The following ZDBF2 variants were observed in gnomAD, a reference collection of about 807,000 sequenced individuals.
ZDBF2 encodes the protein DBF4-type zinc finger-containing protein 2.
In ZDBF2, 6 loss-of-function variants were observed where a neutral mutation model predicts 9.4. The ratio of observed to expected loss-of-function variants is 0.64; its 90% CI spans 0.35 to 1.27. The LOEUF (loss-of-function observed/expected upper bound fraction) is 1.27, where lower values mean the gene tolerates loss of function less well. Among genes scored for constraint, ZDBF2 ranks in the 50% most tolerant of loss-of-function variants. The pLI, the probability that ZDBF2 is intolerant of heterozygous loss-of-function variation, is 0.03. For synonymous variants in ZDBF2, 905 were observed against 946.3 expected (o/e 0.96, Z 0.80); for missense variants, 2,697 against 2,766.8 (o/e 0.97, Z 0.57).
At chr2:206,298,609 A>G (rs986590687) in intron 4 of ZDBF2, among the ~76,000 whole-genome samples, 2 of 151,896 alleles carry the variant, frequency 1.3e-5, no homozygotes, top group South Asian at 2.1e-4. Context: ...TGCAACCCCC[A>G]CCTCCCTGGT....
chr2:206,309,551 C>G lies in ZDBF2; in HGVS notation c.5023C>G (p.Arg1675Gly), dbSNP rs374690917. Residue 1675 changes from arginine (R) to glycine (G), a missense_variant, in exon 5 of 5, where the codon CGA becomes GGA. Physicochemically the swap from Arg to Gly is moderately radical, Grantham distance 125. This residue lies in a region of ZDBF2 where 1,783 missense variants were observed against 1,776.5 expected (regional missense o/e 1.00). Coordinates refer to ENST00000374423, the MANE Select transcript of ZDBF2 (RefSeq NM_020923.3). ...ATTTAATTTGGAAGACACTTCTCAT[C>G]GAACGACTCACCGACTGCAGAAAGC... Reference protein sequence around the residue: ...GKFNLEDTSHRTTHRLQKAHK... With the variant: ...GKFNLEDTSHGTTHRLQKAHK... 10 of 1,613,932 alleles carry G rather than the reference C, an allele frequency of 6.2e-6. No homozygotes were observed. The highest frequency in any genetic ancestry group is 8.5e-6 in the Non-Finnish European group (10 of 1,179,892).
In ZDBF2 at chr2:206,278,128, G is replaced by A. The variant is rs190559720; in HGVS notation, c.-102-1412G>A. On this transcript the variant is annotated intron_variant, in intron 1 of 4. Transcript: ENST00000374423. Reference sequence around the variant, plus strand: ...GTAAAAATATGTTTAGAACAAAGACGAATACGATACATGTTAATGGTGGGT... The same window carrying A: ...GTAAAAATATGTTTAGAACAAAGACAAATACGATACATGTTAATGGTGGGT... Among the ~76,000 whole-genome samples, 242 of 152,132 alleles carry A rather than the reference G, an allele frequency of 1.6e-3. 1 individual carries two copies. The highest frequency in any genetic ancestry group is 2.2e-3 in the African/African-American group (90 of 41,506).
Position 206,307,364 on chromosome 2 carries a change from A to G in ZDBF2, c.2836A>G (p.Met946Val), listed in dbSNP as rs755239496. 4.8e-5 allele frequency: 77 copies of G among 1,613,218 alleles called. No individual in the cohort carries two copies. The highest frequency in any genetic ancestry group is 8.4e-5 in the Admixed American group (5 of 59,876). The change falls in exon 5 of 5, where the codon ATG becomes GTG. Residue 946 changes from methionine to valine, a missense_variant. Around this residue, in one of 3 missense-constraint regions of ZDBF2, gnomAD observed 1,783 missense variants for 1,776.5 expected, o/e 1.00. Coordinates refer to ENST00000374423, the MANE Select transcript of ZDBF2 (RefSeq NM_020923.3). ...KEISLHTKEH[M>V]YLENKSVFET... The stretch of plus-strand genomic sequence containing the variant: ...AATAAGCCTTCACACAAAAGAGCAC[A>G]TGTACTTAGAAAATAAGAGTGTTTT...
Position 206,307,671 on chromosome 2 carries a change from C to G in ZDBF2, c.3143C>G (p.Pro1048Arg). The change falls in exon 5 of 5, where the codon CCA becomes CGA. Residue 1048 changes from proline (P) to arginine (R), a missense_variant. Physicochemically the swap from Pro to Arg is moderately radical, Grantham distance 103. This residue lies in a region of ZDBF2 where 1,783 missense variants were observed against 1,776.5 expected (regional missense o/e 1.00). Coordinates refer to ENST00000374423, the MANE Select transcript of ZDBF2 (RefSeq NM_020923.3). ...GAAATAATTTTGGATTCTAATGTTCCACCTCAGTCAATGACTGACCAACCT... is the reference window on the plus strand; with the variant it reads ...GAAATAATTTTGGATTCTAATGTTCGACCTCAGTCAATGACTGACCAACCT... ...GSEIILDSNV[P>R]PQSMTDQPQL... 6.2e-7 allele frequency: 1 copy of G among 1,612,890 alleles called. No individual in the cohort carries two copies. Among genetic ancestry groups the G allele is most frequent in the Non-Finnish European group, 8.5e-7 (1 of 1,179,570 alleles).
Position 206,310,525 on chromosome 2 carries a change from T to A in ZDBF2, c.5997T>A (p.Val1999=), listed in dbSNP as rs775943183. The part of the protein sequence containing the change: ...TVEFPASCTK[V]LKPMQPKALV... ...AATTTCCTGCATCATGTACTAAAGT[T>A]TTGAAGCCTATGCAACCCAAAGCCT... Residue 1999 remains valine, a synonymous_variant, in exon 5 of 5, where the codon GTT becomes GTA. Transcript: ENST00000374423. The A allele has an allele frequency of 3.7e-6, 6 of 1,613,522 alleles. No individual in the cohort carries two copies. In the East Asian group the frequency reaches 1.1e-4, roughly 30 times the overall value.
chr2:206,281,148 G>GT lies in ZDBF2; in HGVS notation c.-49-652dup, dbSNP rs1691295769. 2.0e-5 allele frequency among the ~76,000 whole-genome samples: 3 copies of GT among 152,268 alleles called. No individual in the cohort carries two copies. The East Asian group carries it at 5.8e-4, about 29-fold the overall frequency. ...TAATGTTGAAGGATTATACTTTTAG[G>GT]TGAGTGGAAACTGGAAAACTATTTA... On this transcript the variant is annotated intron_variant, in intron 2 of 4. Transcript: ENST00000374423.
At chr2:206,280,578 A>G (rs1691261114) in intron 2 of ZDBF2, among the ~76,000 whole-genome samples, 1 of 152,238 alleles carries the variant, frequency 6.6e-6, no homozygotes, top group Non-Finnish European at 1.5e-5. Flanking sequence ...TTAGTGGAAA[A>G]GAGACCAAAT....
In ZDBF2 at chr2:206,309,792, C is replaced by T. The variant is rs761665666; in HGVS notation, c.5264C>T (p.Pro1755Leu). Residue 1755 changes from proline (P) to leucine (L), a missense_variant, in exon 5 of 5, where the codon CCT (proline) becomes CTT (leucine). This residue lies in a region of ZDBF2 where 1,783 missense variants were observed against 1,776.5 expected (regional missense o/e 1.00). Transcript: ENST00000374423. ...GFEMNFQCAP[P>L]LPSDTDQPQE... ...GAGATGAATTTTCAGTGTGCTCCCC[C>T]TCTTCCATCTGATACTGATCAGCCT... 9.9e-6 allele frequency: 16 copies of T among 1,613,814 alleles called. No individual in the cohort carries two copies. Among genetic ancestry groups the T allele is most frequent in the Non-Finnish European group, 1.4e-5 (16 of 1,179,880 alleles).
chr2:206,291,319 A>G (rs1042421337), intron 3 of ZDBF2, among the ~76,000 whole-genome samples: 2 of 152,182 alleles, frequency 1.3e-5, no homozygotes, highest in Non-Finnish European at 2.9e-5. Flanking sequence ...CACAGTTCAC[A>G]ATAGAGTTTA....
chr2:206,277,729 CAAAA>C (rs5838017), intron 1 of ZDBF2, among the ~76,000 whole-genome samples: 1 of 104,962 alleles, frequency 9.5e-6, no homozygotes, highest in Non-Finnish European at 2.0e-5. Context: ...CTAATCTGTC[CAAAA>C]AAAAAAAAAA....
chr2:206,308,722 G>T lies in ZDBF2; in HGVS notation c.4194G>T (p.Leu1398=). ...TTTGGAAGGAAGACCATATTTACCTGGAAGATAAGAGCTATAAATTAGGTG... is the reference window on the plus strand; with the variant it reads ...TTTGGAAGGAAGACCATATTTACCTTGAAGATAAGAGCTATAAATTAGGTG... ...INLWKEDHIY[L]EDKSYKLGDF... The change falls in exon 5 of 5, where the codon CTG becomes CTT. Residue 1398 remains leucine (L), a synonymous_variant. Coordinates refer to ENST00000374423, the MANE Select transcript of ZDBF2 (RefSeq NM_020923.3). 1.2e-6 allele frequency: 2 copies of T among 1,612,932 alleles called. No individual in the cohort carries two copies.
chr2:206,305,393 C>T lies in ZDBF2; in HGVS notation c.865C>T (p.His289Tyr). ...GKTLSAGLKF[H>Y]ERMGTKGSLR... ...AACTTTATCAGCTGGCTTGAAATTC[C>T]ATGAACGCATGGGTACTAAGGGCTC... Residue 289 changes from histidine to tyrosine, a missense_variant, in exon 5 of 5, where the codon CAT becomes TAT. His to Tyr is a moderately conservative substitution (Grantham distance 83). Around this residue, in one of 3 missense-constraint regions of ZDBF2, gnomAD observed 910 missense variants for 973.6 expected, o/e 0.93. Coordinates refer to ENST00000374423, the MANE Select transcript of ZDBF2 (RefSeq NM_020923.3). 1 of 1,613,336 alleles carries T rather than the reference C, an allele frequency of 6.2e-7. No homozygotes were observed. Among genetic ancestry groups the T allele is most frequent in the South Asian group, 1.1e-5 (1 of 91,012 alleles).
At chr2:206,294,253 G>A (rs1692049776) in intron 3 of ZDBF2, among the ~76,000 whole-genome samples, 1 of 152,142 alleles carries the variant, frequency 6.6e-6, no homozygotes, top group South Asian at 2.1e-4. Flanking sequence ...GGGCATTACA[G>A]GGATTTCTGG....
At chr2:206,298,294 A>G (rs1236633844) in intron 4 of ZDBF2, among the ~76,000 whole-genome samples, 1 of 152,262 alleles carries the variant, frequency 6.6e-6, no homozygotes, top group Non-Finnish European at 1.5e-5. Flanking sequence ...GCTGTACAAG[A>G]TAAGGTAAAA....
At chr2:206,280,841 G>A (rs1691277936) in intron 2 of ZDBF2, among the ~76,000 whole-genome samples, 1 of 151,994 alleles carries the variant, frequency 6.6e-6, no homozygotes, top group African/African-American at 2.4e-5. Flanking sequence ...CTCATAACAT[G>A]TTATAGAATG....
At chr2:206,294,897 T>A (rs1692088044) in intron 3 of ZDBF2, among the ~76,000 whole-genome samples, 1 of 152,210 alleles carries the variant, frequency 6.6e-6, no homozygotes, top group African/African-American at 2.4e-5. Flanking sequence ...AACGTTGAAT[T>A]TTAACTGAAT....
In ZDBF2 at chr2:206,306,819, A is replaced by C; in HGVS notation, c.2291A>C (p.Gln764Pro). The change falls in exon 5 of 5, where the codon CAG becomes CCG. Residue 764 changes from glutamine to proline, a missense_variant. This residue lies in a region of ZDBF2 where 910 missense variants were observed against 973.6 expected (regional missense o/e 0.93). Transcript: ENST00000374423. Reference protein sequence around the residue: ...SDPPLLSVTEQSHLDAEGKER... With the variant: ...SDPPLLSVTEPSHLDAEGKER... ...CCGCCTCTTCTGTCAGTTACTGAGC[A>C]GTCTCATCTGGATGCTGAAGGAAAA... 1 of 1,613,910 alleles carries C rather than the reference A, an allele frequency of 6.2e-7. No homozygotes were observed. The highest frequency in any genetic ancestry group is 1.3e-5 in the African/African-American group (1 of 75,050).
Position 206,307,670 on chromosome 2 carries a change from C to G in ZDBF2, c.3142C>G (p.Pro1048Ala), listed in dbSNP as rs1489860583. 5.0e-6 allele frequency: 8 copies of G among 1,612,976 alleles called. No homozygotes were observed. Among genetic ancestry groups the G allele is most frequent in the South Asian group, 1.1e-5 (1 of 90,764 alleles). ...GSEIILDSNV[P>A]PQSMTDQPQL... ...TGAAATAATTTTGGATTCTAATGTT[C>G]CACCTCAGTCAATGACTGACCAACC... Residue 1048 changes from proline to alanine, a missense_variant, in exon 5 of 5, where the codon CCA becomes GCA. Around this residue, in one of 3 missense-constraint regions of ZDBF2, gnomAD observed 1,783 missense variants for 1,776.5 expected, o/e 1.00. Transcript: ENST00000374423.
chr2:206,309,730 T>G lies in ZDBF2; in HGVS notation c.5202T>G (p.His1734Gln), dbSNP rs367934653. The G allele has an allele frequency of 3.3e-5, 53 of 1,613,700 alleles. No individual in the cohort carries two copies. The highest frequency in any genetic ancestry group is 5.3e-5 in the African/African-American group (4 of 74,892). Reference protein sequence around the residue: ...ADKKKRSKLKHRDLEVSCEPD... With the variant: ...ADKKKRSKLKQRDLEVSCEPD... ...AAAAAAAACGTTCGAAGCTAAAACATAGAGATCTAGAAGTGAGCTGTGAAC... is the reference window on the plus strand; with the variant it reads ...AAAAAAAACGTTCGAAGCTAAAACAGAGAGATCTAGAAGTGAGCTGTGAAC... The change falls in exon 5 of 5, where the codon CAT (histidine) becomes CAG (glutamine). Residue 1734 changes from histidine to glutamine, a missense_variant. Transcript: ENST00000374423.
Sources: allele counts gnomAD v4.1 joint callset (sites outside exome capture counted in the v4.1 genomes callset), GRCh38; gene constraint gnomAD v4.1.1; regional missense constraint gnomAD v4.1.1; transcripts MANE v1.5; gene names NCBI Gene and HGNC (gene_info 2026-07-23, HGNC 2026-07-21).